The following TRIM3 variants were observed in gnomAD, a reference collection of about 807,000 sequenced individuals.
TRIM3 encodes tripartite motif containing 3.
In TRIM3, 13 loss-of-function variants were observed where a neutral mutation model predicts 66.6. That is an observed-to-expected ratio of 0.20 (90% CI 0.13 to 0.31). The LOEUF (loss-of-function observed/expected upper bound fraction) is 0.31, where lower values mean the gene tolerates loss of function less well. TRIM3 is among the 10% of genes least tolerant of loss of function. The pLI is 1.00. For synonymous variants in TRIM3, 406 were observed against 411.7 expected, an observed-to-expected ratio of 0.99 and a Z score of 0.17; for missense variants, 711 against 1,020.4, an observed-to-expected ratio of 0.70 and a Z score of 4.13.
Position 6,451,368 on chromosome 11 carries a change from C to G in TRIM3, c.1604G>C (p.Arg535Pro). Residue 535 changes from arginine (R) to proline (P), a missense_variant, in exon 8 of 12, where the codon CGC becomes CCC. By Grantham distance (103) the Arg-to-Pro change is moderately radical. Transcript: ENST00000345851. The part of the protein sequence containing the change: ...VRGRSPGQLQ[R>P]PTGVAVDTNG... The stretch of plus-strand genomic sequence containing the variant: ...GGTGTCCACTGCCACACCTGTGGGG[C>G]GCTGCAGCTGCCCAGGTGAGCGTCC... 6.2e-7 allele frequency: 1 copy of G among 1,614,208 alleles called. No homozygotes were observed. Among genetic ancestry groups the G allele is most frequent in the Non-Finnish European group, 8.5e-7 (1 of 1,180,036 alleles).
At chr11:6,464,848 G>A (rs936452300) in intron 2 of TRIM3, among the ~76,000 whole-genome samples, 2 of 152,062 alleles carry the variant, frequency 1.3e-5, no homozygotes, top group South Asian at 2.1e-4. Flanking sequence ...TTAGCTGGGC[G>A]TGGCGGCGTG....
upstream of TRIM3, chr11:6,474,243 G>A (rs1330284072): frequency 6.6e-6 from 1 of 152,270 alleles, no homozygotes; most frequent in Non-Finnish European, 1.5e-5. Flanking sequence ...ATTGAGATGA[G>A]ACTCCGTCAA....
chr11:6,465,740 G>T lies in TRIM3; in HGVS notation c.-37-8C>A, dbSNP rs965766646. 5 of 1,611,802 alleles carry T rather than the reference G, an allele frequency of 3.1e-6. No homozygotes were observed. The African/African-American group carries it at 6.7e-5, about 22-fold the overall frequency. ...CGCCACTCACACCAGCCTCTGTATG[G>T]AGAGATGGTCAGCACCAGGGAGTCC... is the stretch of plus-strand genomic sequence containing the variant. On this transcript the variant is annotated splice_region_variant and splice_polypyrimidine_tract_variant and intron_variant, in intron 1 of 11. Transcript: ENST00000345851.
chr11:6,469,861 T>C (rs540099992), intron 1 of TRIM3, among the ~76,000 whole-genome samples: 1 of 152,228 alleles, frequency 6.6e-6, no homozygotes, highest in South Asian at 2.1e-4. Flanking sequence ...CTAAAGAAAG[T>C]AACTTTAGTA....
rs939322596 is a variant in TRIM3, at chr11:6,449,094, C to T, written c.2169G>A (p.Ser723=). 25 of 1,614,060 alleles carry T rather than the reference C, an allele frequency of 1.5e-5. No homozygotes were observed. Among genetic ancestry groups the T allele is most frequent in the Non-Finnish European group, 1.9e-5 (23 of 1,180,040 alleles). ...CATCAGCCACCACCACATGGCCATCCGAGGTCAGTGCCAGGCCCTGTGGAC... is the reference window on the plus strand; with the variant it reads ...CATCAGCCACCACCACATGGCCATCTGAGGTCAGTGCCAGGCCCTGTGGAC... ...LYGPQGLALT[S]DGHVVVADAG... is the part of the protein sequence containing the mutation. Residue 723 remains serine, a synonymous_variant, in exon 12 of 12, where the codon TCG becomes TCA. Coordinates refer to ENST00000345851, the MANE Select transcript of TRIM3 (RefSeq NM_033278.4). The surrounding 1 kb of genome is among the most constrained non-coding windows in gnomAD (Gnocchi z 5.3).
At position 6,456,815 on chromosome 11, in the gene TRIM3, C is replaced by T; in HGVS notation, c.911G>A (p.Gly304Asp). The T allele has an allele frequency of 1.2e-6, 2 of 1,612,896 alleles. No individual in the cohort carries two copies. Among genetic ancestry groups the T allele is most frequent in the Non-Finnish European group, 1.7e-6 (2 of 1,179,972 alleles). Residue 304 changes from glycine (G) to aspartate (D), a missense_variant, in exon 6 of 12, where the codon GGT (glycine) becomes GAT (aspartate). Gly to Asp is a moderately conservative substitution (Grantham distance 94). Coordinates refer to ENST00000345851, the MANE Select transcript of TRIM3 (RefSeq NM_033278.4). The surrounding 1 kb of genome is among the most constrained non-coding windows in gnomAD (Gnocchi z 6.4). ...AQLELVLEVD[G>D]LRRSVLNLGA... ...CAGATTGAGCACCGATCGCCGCAGACCGTCCACCTCAAGGACCAGTTCCAG... is the reference window on the plus strand; with the variant it reads ...CAGATTGAGCACCGATCGCCGCAGATCGTCCACCTCAAGGACCAGTTCCAG...
In TRIM3 at chr11:6,457,316, T is replaced by C. The variant is rs1365135754; in HGVS notation, c.676A>G (p.Ile226Val). The part of the protein sequence containing the change: ...KQALVSDLET[I>V]CGAKQKVLQS... ...CACACCTTCTGTTTGGCCCCACAAA[T>C]GGTCTCCAGGTCGCTGACCAGAGCC... is the stretch of plus-strand genomic sequence containing the variant. Residue 226 changes from isoleucine to valine, a missense_variant, in exon 5 of 12, where the codon ATT becomes GTT. Ile to Val is a conservative substitution (Grantham distance 29). Coordinates refer to ENST00000345851, the MANE Select transcript of TRIM3 (RefSeq NM_033278.4). The surrounding 1 kb of genome is among the most constrained non-coding windows in gnomAD (Gnocchi z 4.5). 2 of 1,614,026 alleles carry C rather than the reference T, an allele frequency of 1.2e-6. No homozygotes were observed. Among genetic ancestry groups the C allele is most frequent in the Non-Finnish European group, 1.7e-6 (2 of 1,180,024 alleles).
chr11:6,466,593 G>GTTTT (rs77979367), intron 1 of TRIM3, among the ~76,000 whole-genome samples: 1 of 139,948 alleles, frequency 7.1e-6, no homozygotes, highest in African/African-American at 2.7e-5. Flanking sequence ...TTCCTGCTGG[G>GTTTT]TTTTTTTTTT....
chr11:6,449,475 G>T lies in TRIM3; in HGVS notation c.1942-29C>A. ...GCGGGGGAAGGGGCTAGGGACTGGG[G>T]ACCTGGCCTCAGGCAGAGGGTAGGG... On this transcript the variant is annotated intron_variant, in intron 10 of 11. Coordinates refer to ENST00000345851, the MANE Select transcript of TRIM3 (RefSeq NM_033278.4). The surrounding 1 kb of genome is among the most constrained non-coding windows in gnomAD (Gnocchi z 5.3). 1 of 1,601,438 alleles carries T rather than the reference G, an allele frequency of 6.2e-7. No individual in the cohort carries two copies.
At position 6,448,651 on chromosome 11, in the gene TRIM3, A is replaced by G. The variant is rs938864849; in HGVS notation, c.*377T>C. The G allele has an allele frequency of 2.2e-6, 1 of 456,922 alleles. No homozygotes were observed. The highest frequency in any genetic ancestry group is 3.9e-6 in the Non-Finnish European group (1 of 254,876). The allele number at this position is 456,922 out of a possible 1,614,324, so 28.3% of individuals were successfully genotyped here. On this transcript the variant is annotated 3_prime_UTR_variant, in exon 12 of 12. Transcript: ENST00000345851. ...ATTTATTTAATATGGGGGGTGGGGT[A>G]TTGCTGTCTCTGTCAGTGTGTATAG...
Position 6,458,392 on chromosome 11 carries a change from G to T in TRIM3, c.132-96C>A. ...ATGGGTGCCAACCCCTTCCCTCACA[G>T]GTGTGCCATTACACTTCATTTTAAA... On this transcript the variant is annotated intron_variant, in intron 2 of 11. Coordinates refer to ENST00000345851, the MANE Select transcript of TRIM3 (RefSeq NM_033278.4). This position sits in a 1 kb window ranked among gnomAD's most constrained non-coding sequence, Gnocchi z 6.2. 1.0e-6 allele frequency: 1 copy of T among 979,406 alleles called. No individual in the cohort carries two copies. Among genetic ancestry groups the T allele is most frequent in the Non-Finnish European group, 1.5e-6 (1 of 648,598 alleles). 60.7% of individuals were successfully genotyped at this position (979,406 alleles called of 1,614,324 possible).
At chr11:6,461,640 T>C (rs532690352) in intron 2 of TRIM3, among the ~76,000 whole-genome samples, 2 of 152,260 alleles carry the variant, frequency 1.3e-5, no homozygotes, top group South Asian at 4.1e-4. Context: ...TCAACCATTC[T>C]ACTCTATTCT....
intron 2 of TRIM3, among the ~76,000 whole-genome samples, chr11:6,460,472 G>C (rs1056717340): frequency 6.6e-6 from 1 of 152,108 alleles, no homozygotes; most frequent in African/African-American, 2.4e-5. Context: ...GAGAGGAGAA[G>C]ATCTTGAGGA....
At chr11:6,452,461 T>G (rs1269835823) in intron 7 of TRIM3, 1 of 152,294 alleles carries the variant, frequency 6.6e-6, no homozygotes. Flanking sequence ...GTTCTGGGCA[T>G]TGGCCTTGCT....
chr11:6,458,889 T>C lies in TRIM3; in HGVS notation c.132-593A>G, dbSNP rs1850103669. ...AGCCAAGGACTCTTCCTTTGTAAGA[T>C]GGAGAAGTACAGACTTCACAGAGTG... On this transcript the variant is annotated intron_variant, in intron 2 of 11. Transcript: ENST00000345851. This position sits in a 1 kb window ranked among gnomAD's most constrained non-coding sequence, Gnocchi z 6.2. 1.3e-5 allele frequency among the ~76,000 whole-genome samples: 2 copies of C among 152,194 alleles called. No homozygotes were observed. Among genetic ancestry groups the C allele is most frequent in the Admixed American group, 6.5e-5 (1 of 15,276 alleles).
At chr11:6,452,736 G>A (rs1244585458) in intron 7 of TRIM3, 1 of 152,232 alleles carries the variant, frequency 6.6e-6, no homozygotes, top group African/African-American at 2.4e-5. Flanking sequence ...GTAGAAGTGA[G>A]GGGGCACTAA....
At position 6,451,473 on chromosome 11, in the gene TRIM3, G is replaced by C. The variant is rs557449284; in HGVS notation, c.1534-35C>G. On this transcript the variant is annotated intron_variant, in intron 7 of 11. Transcript: ENST00000345851. ...AGGAGCAAGGGGAGGGAGCAGGTAG[G>C]AGGGGAGACACTGTGGGCACAGACA... The C allele has an allele frequency of 1.1e-5, 18 of 1,609,670 alleles. No individual in the cohort carries two copies. In the East Asian group the frequency reaches 3.6e-4, roughly 32 times the overall value.
rs766199914 is a variant in TRIM3, at chr11:6,456,736, C to T, written c.990G>A (p.Glu330=). The T allele has an allele frequency of 1.9e-6, 3 of 1,610,462 alleles. No individual in the cohort carries two copies. The highest frequency in any genetic ancestry group is 2.5e-6 in the Non-Finnish European group (3 of 1,179,558). Residue 330 remains glutamate, a synonymous_variant, in exon 6 of 12, where the codon GAG becomes GAA. Coordinates refer to ENST00000345851, the MANE Select transcript of TRIM3 (RefSeq NM_033278.4). This position sits in a 1 kb window ranked among gnomAD's most constrained non-coding sequence, Gnocchi z 6.4. ...GGCCCACTAGCGCCTGGCGCAGGCC[C>T]TCTCCCGTGGCCACCGTTTCGTGTG... ...ATAHETVATG[E]GLRQALVGQP...
chr11:6,470,391 A>C (rs1850633024), intron 1 of TRIM3, among the ~76,000 whole-genome samples: 1 of 152,128 alleles, frequency 6.6e-6, no homozygotes, highest in African/African-American at 2.4e-5. Context: ...TTATCTTTTA[A>C]GGTTTTTTCA....
Sources: allele counts gnomAD v4.1 joint callset (sites outside exome capture counted in the v4.1 genomes callset), GRCh38; gene constraint gnomAD v4.1.1; non-coding constraint Gnocchi (gnomAD v3.1); transcripts MANE v1.5; gene names NCBI Gene and HGNC (gene_info 2026-07-23, HGNC 2026-07-21).